IQGAP2: variants seen among roughly 807,000 people sequenced by gnomAD.
IQGAP2 encodes the protein ras GTPase-activating-like protein IQGAP2.
In IQGAP2, 173 loss-of-function variants were observed where a neutral mutation model predicts 201.3. That is an observed-to-expected ratio of 0.86 (90% CI 0.76 to 0.98). The LOEUF is 0.98. IQGAP2 is among the 50% of genes least tolerant of loss of function. The pLI is 0.00. For synonymous variants in IQGAP2, 675 were observed against 673.9 expected (o/e 1.00, Z -0.03); for missense variants, 1,687 against 1,864.8 (o/e 0.90, Z 1.76).
chr5:76,532,345 A>G (rs1469347785), intron 2 of IQGAP2, among the ~76,000 whole-genome samples: 2 of 152,156 alleles, frequency 1.3e-5, no homozygotes, highest in Non-Finnish European at 2.9e-5. Flanking sequence ...TATCATTATA[A>G]GATGAAAAAG....
chr5:76,447,519 G>A (rs1030925851), intron 1 of IQGAP2, among the ~76,000 whole-genome samples: 1 of 152,316 alleles, frequency 6.6e-6, no homozygotes, highest in Admixed American at 6.5e-5. Context: ...GCATAGCCAC[G>A]TCCGTCGAGA....
chr5:76,461,604 G>T lies in IQGAP2; in HGVS notation c.81G>T (p.Glu27Asp). 6.2e-7 allele frequency: 1 copy of T among 1,614,004 alleles called. No individual in the cohort carries two copies. The highest frequency in any genetic ancestry group is 8.5e-7 in the Non-Finnish European group (1 of 1,179,892). ...IVDDERLSAE[E>D]MDERRRQNIA... ...ACGATGAAAGGCTCTCTGCAGAGGA[G>T]ATGGATGAGAGGAGGCGGCAGAACA... Residue 27 changes from glutamate (E) to aspartate (D), a missense_variant, in exon 2 of 36, where the codon GAG becomes GAT. Glu to Asp is a conservative substitution (Grantham distance 45). Transcript: ENST00000274364.
intron 9 of IQGAP2, among the ~76,000 whole-genome samples, chr5:76,595,693 C>T (rs1298907369): frequency 2.7e-5 from 4 of 150,714 alleles, no homozygotes; most frequent in Non-Finnish European, 4.4e-5. Context: ...CCCAGGAGGT[C>T]GAGACTGCAG....
At chr5:76,683,701 C>T in intron 29 of IQGAP2, 75 bp from the exon 30 acceptor site, 1 of 1,404,096 alleles carries the variant, frequency 7.1e-7, no homozygotes, top group Non-Finnish European at 9.7e-7. Flanking sequence ...TCCCACAGAA[C>T]CTTTATCTTA....
intron 20 of IQGAP2, among the ~76,000 whole-genome samples, chr5:76,657,423 C>T (rs1187810046): frequency 6.6e-6 from 1 of 152,188 alleles, no homozygotes; most frequent in Non-Finnish European, 1.5e-5. Flanking sequence ...GGAAAATTCT[C>T]CAATAAAGGC....
chr5:76,674,867 G>A (rs1171602637), intron 27 of IQGAP2, among the ~76,000 whole-genome samples, 158 bp downstream of exon 27: 4 of 152,138 alleles, frequency 2.6e-5, no homozygotes, highest in African/African-American at 9.7e-5. Context: ...AGAGAGGGAA[G>A]TGCAGGCAAG....
intron 2 of IQGAP2, among the ~76,000 whole-genome samples, chr5:76,518,944 A>G (rs1758503210): frequency 6.6e-6 from 1 of 152,206 alleles, no homozygotes; most frequent in Non-Finnish European, 1.5e-5. Context: ...AGAAATTCCT[A>G]TTATAAATTT....
chr5:76,500,580 G>T (rs1468378763), intron 2 of IQGAP2, among the ~76,000 whole-genome samples: 1 of 152,094 alleles, frequency 6.6e-6, no homozygotes, highest in Non-Finnish European at 1.5e-5. Context: ...CTAAATATAC[G>T]GGTACCACTT....
chr5:76,625,793 T>A (rs928242273), intron 13 of IQGAP2, among the ~76,000 whole-genome samples: 8 of 152,162 alleles, frequency 5.3e-5, no homozygotes, highest in Admixed American at 5.2e-4. Context: ...AATGACGGAG[T>A]CGGTGCCAGA....
intron 24 of IQGAP2, among the ~76,000 whole-genome samples, chr5:76,672,900 T>G: frequency 8.7e-6 from 1 of 115,568 alleles, no homozygotes; most frequent in Non-Finnish European, 1.7e-5. Flanking sequence ...CTCTGGGGAC[T>G]GTTGTGGGAT....
intron 1 of IQGAP2, among the ~76,000 whole-genome samples, chr5:76,432,145 AGAT>A (rs1752410366): frequency 1.7e-4 from 1 of 6,042 alleles, no homozygotes; most frequent in African/African-American, 4.0e-4. Flanking sequence ...TTTTTTTTTG[AGAT>A]GGAGTCTTGC....
intron 1 of IQGAP2, among the ~76,000 whole-genome samples, chr5:76,451,531 A>G (rs1753746398): frequency 6.6e-6 from 1 of 152,148 alleles, no homozygotes; most frequent in African/African-American, 2.4e-5. Flanking sequence ...TCATCTTCTG[A>G]TCACTTCCTC....
At chr5:76,492,004 C>T (rs770906339) in intron 2 of IQGAP2, among the ~76,000 whole-genome samples, 2 of 152,122 alleles carry the variant, frequency 1.3e-5, no homozygotes, top group Non-Finnish European at 2.9e-5. Context: ...GTTTGCTCAC[C>T]TGCCATCTCC....
intron 2 of IQGAP2, among the ~76,000 whole-genome samples, chr5:76,494,707 C>T (rs1756777180): frequency 6.6e-6 from 1 of 152,030 alleles, no homozygotes. Context: ...TTGGTCTTGT[C>T]ACCTAGCCTG....
chr5:76,627,374 C>A, intron 13 of IQGAP2, 36 bp from the exon 14 acceptor site: 1 of 1,306,382 alleles, frequency 7.7e-7, no homozygotes, highest in Non-Finnish European at 1.1e-6. Flanking sequence ...TCATCATTCA[C>A]TCTTCTTTCT....
At chr5:76,705,876 G>T (rs1747847035) in intron 35 of IQGAP2, among the ~76,000 whole-genome samples, 1 of 152,228 alleles carries the variant, frequency 6.6e-6, no homozygotes, top group African/African-American at 2.4e-5. Context: ...AAGGCTTCCT[G>T]TACCTATGTT....
chr5:76,517,247 C>T (rs113106618), intron 2 of IQGAP2, among the ~76,000 whole-genome samples: 6 of 152,034 alleles, frequency 3.9e-5, no homozygotes, highest in South Asian at 2.1e-4. Context: ...CAGATACATA[C>T]GTGCACACAC....
chr5:76,438,374 A>G (rs1276210077), intron 1 of IQGAP2, among the ~76,000 whole-genome samples: 1 of 152,112 alleles, frequency 6.6e-6, no homozygotes, highest in Non-Finnish European at 1.5e-5. Context: ...TTGTGTGCAC[A>G]GAGGAGTTCA....
chr5:76,573,681 G>A (rs964151028), intron 4 of IQGAP2, among the ~76,000 whole-genome samples: 11 of 152,056 alleles, frequency 7.2e-5, no homozygotes, highest in African/African-American at 2.4e-4. Context: ...GTGCCATCTC[G>A]GCTCACTGCA....
Sources: gnomAD v4.1 joint callset for allele counts (sites outside exome capture counted in the v4.1 genomes callset) on GRCh38, gnomAD v4.1.1 for gene constraint, MANE v1.5 for transcripts, NCBI Gene and HGNC (gene_info 2026-07-23, HGNC 2026-07-21) for gene names.